AKAP6: variants seen among roughly 807,000 people sequenced by gnomAD.
AKAP6 encodes A-kinase anchor protein 6.
A neutral mutation model predicts 188.5 loss-of-function variants in AKAP6; 58 were observed. The observed-to-expected ratio is 0.31, with a 90% CI of 0.25 to 0.38. The LOEUF is 0.38. AKAP6 is among the 10% of genes least tolerant of loss of function. The probability of loss-of-function intolerance (pLI) is 1.00; values close to 1 mark genes in which losing one functional copy is unlikely to be tolerated. For synonymous variants in AKAP6, 989 were observed against 998.6 expected (o/e 0.99, Z 0.18); for missense variants, 2,710 against 2,740.0 (o/e 0.99, Z 0.24).
chr14:32,834,180 G>A lies in AKAP6; in HGVS notation c.*4375G>A, dbSNP rs183155718. ...GGCCAAGGCGTGTGGATCACCTAAG[G>A]TCAGGAGTTCGAGATCAGCCTGGCC... On this transcript the variant is annotated 3_prime_UTR_variant, in exon 14 of 14. Coordinates refer to ENST00000280979, the MANE Select transcript of AKAP6 (RefSeq NM_004274.5). 1.3e-5 allele frequency: 2 copies of A among 152,276 alleles called. No homozygotes were observed. Among genetic ancestry groups the A allele is most frequent in the African/African-American group, 4.8e-5 (2 of 41,538 alleles). The allele number at this position is 152,276 out of a possible 1,614,324, so 9.4% of individuals were successfully genotyped here. A position where few individuals can be genotyped will look rare whatever the true frequency, so the allele number is the denominator to read the frequency against.
At chr14:32,693,762 T>C (rs181044483) in intron 8 of AKAP6, 2 of 152,278 alleles carry the variant, frequency 1.3e-5, no homozygotes, top group African/African-American at 2.4e-5. Context: ...ATCCCTTGAA[T>C]CAGATACTCT....
rs948969628 is a variant in AKAP6, at chr14:32,386,848, T to C, written c.-34-46612T>C. On this transcript the variant is annotated intron_variant, in intron 1 of 13. Transcript: ENST00000280979. The stretch of plus-strand genomic sequence containing the variant: ...TGGCTAGCCAATTACCCCAGCACCA[T>C]TTGTTGAAAACGGTGTCCTTTCCCC... 3.3e-5 allele frequency among the ~76,000 whole-genome samples: 5 copies of C among 152,296 alleles called. No individual in the cohort carries two copies. The South Asian group carries it at 1.0e-3, about 32-fold the overall frequency.
At chr14:32,363,181 G>T (rs1249770681) in intron 1 of AKAP6, among the ~76,000 whole-genome samples, 1 of 152,124 alleles carries the variant, frequency 6.6e-6, no homozygotes, top group Non-Finnish European at 1.5e-5. Flanking sequence ...GCTTTGGGTG[G>T]TCAGTTAACC....
intron 1 of AKAP6, among the ~76,000 whole-genome samples, chr14:32,428,719 T>C (rs534489260): frequency 1.3e-5 from 2 of 152,334 alleles, no homozygotes; most frequent in South Asian, 4.1e-4. Flanking sequence ...CTGATTTAAA[T>C]GTGTTTGTTT....
chr14:32,657,690 T>C (rs1888511596), intron 7 of AKAP6, among the ~76,000 whole-genome samples: 1 of 151,946 alleles, frequency 6.6e-6, no homozygotes, highest in Admixed American at 6.6e-5. Flanking sequence ...TTTCTGTGAG[T>C]GTACATGTTT....
At chr14:32,547,064 G>A in intron 4 of AKAP6, 65 bp downstream of exon 4, 1 of 1,393,686 alleles carries the variant, frequency 7.2e-7, no homozygotes, top group Admixed American at 2.0e-5. Flanking sequence ...CTGGGAGAAG[G>A]TCACACTCCT....
chr14:32,735,684 C>A lies in AKAP6; in HGVS notation c.3174C>A (p.Asp1058Glu). The part of the protein sequence containing the change: ...LGKTLGEKIQ[D>E]TMAGHSGSSP... ...AAACCCTAGGAGAGAAGATCCAGGA[C>A]ACAATGGCAGGGCACAGTGGGTCGA... Residue 1058 changes from aspartate to glutamate, a missense_variant, in exon 11 of 14, where the codon GAC (aspartate) becomes GAA (glutamate). By Grantham distance (45) the Asp-to-Glu change is conservative (BLOSUM62 2). Coordinates refer to ENST00000280979, the MANE Select transcript of AKAP6 (RefSeq NM_004274.5). 2 of 1,609,822 alleles carry A rather than the reference C, an allele frequency of 1.2e-6. No individual in the cohort carries two copies. The highest frequency in any genetic ancestry group is 1.7e-6 in the Non-Finnish European group (2 of 1,178,686).
intron 2 of AKAP6, among the ~76,000 whole-genome samples, chr14:32,474,855 T>C (rs886378603): frequency 1.3e-5 from 2 of 152,252 alleles, no homozygotes; most frequent in African/African-American, 4.8e-5. Flanking sequence ...CTTTGGAGAA[T>C]AGGAATTATA....
chr14:32,600,877 A>G, intron 7 of AKAP6, 85 bp downstream of exon 7: 1 of 1,335,754 alleles, frequency 7.5e-7, no homozygotes, highest in Non-Finnish European at 1.0e-6. Context: ...TTCCAACCCT[A>G]AGGCTTTTTG....
chr14:32,470,087 T>A (rs1878688286), intron 2 of AKAP6, among the ~76,000 whole-genome samples: 1 of 152,110 alleles, frequency 6.6e-6, no homozygotes, highest in African/African-American at 2.4e-5. Flanking sequence ...TTACATACCA[T>A]CACTCCCTTT....
intron 11 of AKAP6, among the ~76,000 whole-genome samples, chr14:32,761,434 A>C (rs2032534483): frequency 6.6e-6 from 1 of 152,184 alleles, no homozygotes; most frequent in Non-Finnish European, 1.5e-5. Context: ...CTTGTTAGAA[A>C]ATTAAGAATA....
At chr14:32,724,995 A>C (rs1169411763) in intron 9 of AKAP6, among the ~76,000 whole-genome samples, 1 of 146,000 alleles carries the variant, frequency 6.8e-6, no homozygotes, top group East Asian at 2.0e-4. Context: ...CAACCTAAAA[A>C]AAAAAAAAAA....
chr14:32,330,379 T>C (rs554556360), intron 1 of AKAP6, among the ~76,000 whole-genome samples: 3 of 152,198 alleles, frequency 2.0e-5, no homozygotes, highest in East Asian at 3.9e-4. Flanking sequence ...TTATTATTAT[T>C]ATTATTTTCT....
intron 9 of AKAP6, among the ~76,000 whole-genome samples, chr14:32,705,173 C>G (rs1364870241): frequency 1.3e-5 from 2 of 152,198 alleles, no homozygotes; most frequent in Non-Finnish European, 2.9e-5. Flanking sequence ...TCCAACCCAG[C>G]TAGCTGCATT....
chr14:32,546,149 A>G lies in AKAP6; in HGVS notation c.1496A>G (p.His499Arg). 2 of 1,613,982 alleles carry G rather than the reference A, an allele frequency of 1.2e-6. No homozygotes were observed. Among genetic ancestry groups the G allele is most frequent in the Non-Finnish European group, 1.7e-6 (2 of 1,179,990 alleles). The change falls in exon 4 of 14, where the codon CAC becomes CGC. Residue 499 changes from histidine (H) to arginine (R), a missense_variant. His to Arg is a conservative substitution (Grantham distance 29, BLOSUM62 0). Around this residue, in one of 2 missense-constraint regions of AKAP6, gnomAD observed 2,473 missense variants for 2,426.1 expected, o/e 1.02. Transcript: ENST00000280979. ...YKEKSRLKKP[H>R]KTSEEVPPCR... ...GAGAAATCTCGACTTAAAAAGCCAC[A>G]CAAGACCTCAGAAGAGGTGCCTCCA...
chr14:32,403,181 G>C (rs1422880404), intron 1 of AKAP6: 1 of 152,154 alleles, frequency 6.6e-6, no homozygotes, highest in Non-Finnish European at 1.5e-5. Flanking sequence ...CATTTTCTTG[G>C]GAGAGGGACC....
intron 12 of AKAP6, among the ~76,000 whole-genome samples, chr14:32,797,098 G>T (rs2033793696): frequency 6.6e-6 from 1 of 152,172 alleles, no homozygotes; most frequent in Admixed American, 6.6e-5. Flanking sequence ...ACGCCAGTCA[G>T]AATGACTATT....
intron 7 of AKAP6, among the ~76,000 whole-genome samples, chr14:32,612,425 AC>A (rs1232726086): frequency 6.6e-6 from 1 of 152,148 alleles, no homozygotes; most frequent in Non-Finnish European, 1.5e-5. Context: ...TAAAGACAGA[AC>A]CCTACTTTAT....
chr14:32,669,362 A>G (rs149368211), intron 7 of AKAP6, among the ~76,000 whole-genome samples: 78 of 152,324 alleles, frequency 5.1e-4, no homozygotes, highest in African/African-American at 1.8e-3. Flanking sequence ...ACCAAATGTT[A>G]TTTGTATTTA....
Sources: allele counts gnomAD v4.1 joint callset (sites outside exome capture counted in the v4.1 genomes callset), GRCh38; gene constraint gnomAD v4.1.1; regional missense constraint gnomAD v4.1.1; transcripts MANE v1.5; gene names NCBI Gene and HGNC (gene_info 2026-07-23, HGNC 2026-07-21).